The following ULK2 variants were observed in gnomAD, a reference collection of about 807,000 sequenced individuals.
ULK2 encodes the protein serine/threonine-protein kinase ULK2.
A neutral mutation model predicts 127.5 loss-of-function variants in ULK2; 76 were observed. The observed-to-expected ratio is 0.60, with a 90% CI of 0.50 to 0.72. The LOEUF is 0.72. ULK2 is among the 30% of genes least tolerant of loss of function. The probability of loss-of-function intolerance (pLI) is 0.00; values close to 1 mark genes in which losing one functional copy is unlikely to be tolerated. For synonymous variants in ULK2, 452 were observed against 461.9 expected (o/e 0.98, Z 0.28); for missense variants, 1,144 against 1,295.9 (o/e 0.88, Z 1.80).
At chr17:19,832,462 C>T (rs1294772311) in intron 10 of ULK2, among the ~76,000 whole-genome samples, 1 of 151,958 alleles carries the variant, frequency 6.6e-6, no homozygotes, top group African/African-American at 2.4e-5. Flanking sequence ...AAGGCTTTCA[C>T]CACGTTGCCC....
At chr17:19,835,652 G>GCTTGGCT (rs1342785532) in intron 10 of ULK2, among the ~76,000 whole-genome samples, 1 of 151,034 alleles carries the variant, frequency 6.6e-6, no homozygotes, top group African/African-American at 2.4e-5. Context: ...AGGAGGCAGA[G>GCTTGGCT]CTTGCAGTGA....
intron 3 of ULK2, among the ~76,000 whole-genome samples, chr17:19,852,616 AAAAAAC>A (rs2042042627): frequency 6.6e-6 from 1 of 151,340 alleles, no homozygotes; most frequent in Non-Finnish European, 1.5e-5. Flanking sequence ...TTGTAATTTA[AAAAAAC>A]AATAAAGTAA....
chr17:19,811,425 C>G (rs1350059786), intron 13 of ULK2, among the ~76,000 whole-genome samples: 5 of 151,658 alleles, frequency 3.3e-5, no homozygotes, highest in Non-Finnish European at 7.4e-5. Context: ...GAAATTATTT[C>G]AAGTAACTTT....
At position 19,780,769 on chromosome 17, in the gene ULK2, TC is replaced by T. The variant is rs2086901376; in HGVS notation, c.2759-141del. 18 of 1,066,016 alleles carry T rather than the reference TC, an allele frequency of 1.7e-5. No individual in the cohort carries two copies. In the South Asian group the frequency reaches 2.9e-4, roughly 17 times the overall value. 66.0% of individuals were successfully genotyped at this position (1,066,016 alleles called of 1,614,324 possible). ...AAAAAGGACCAGAAATAGGATTTTT[TC>T]ATGTTATCTCTTTCAATATGAAAAG... On this transcript the variant is annotated intron_variant, in intron 24 of 26. Coordinates refer to ENST00000395544, the MANE Select transcript of ULK2 (RefSeq NM_014683.4).
chr17:19,818,032 G>A (rs1361455172), intron 12 of ULK2, among the ~76,000 whole-genome samples: 3 of 152,016 alleles, frequency 2.0e-5, no homozygotes, highest in African/African-American at 4.8e-5. Flanking sequence ...TGTGAATCAC[G>A]GCTCACACCT....
At chr17:19,863,252 A>G (rs1389557902) in intron 3 of ULK2, among the ~76,000 whole-genome samples, 1 of 152,162 alleles carries the variant, frequency 6.6e-6, no homozygotes, top group African/African-American at 2.4e-5. Flanking sequence ...GAATTTGAGT[A>G]ATGCAAGTGA....
In ULK2 at chr17:19,838,720, T is replaced by G. The variant is rs1291161744; in HGVS notation, c.705-137A>C. 4.3e-6 allele frequency: 3 copies of G among 698,318 alleles called. No homozygotes were observed. In the African/African-American group the frequency reaches 5.5e-5, roughly 13 times the overall value. 43.3% of individuals were successfully genotyped at this position (698,318 alleles called of 1,614,324 possible). ...ATACATTTATACCACGAAGACCATG[T>G]AAGAGTCATCTAAAGAAGGGAAAAA... On this transcript the variant is annotated intron_variant, in intron 9 of 26. Coordinates refer to ENST00000395544, the MANE Select transcript of ULK2 (RefSeq NM_014683.4).
At chr17:19,841,072 C>T (rs746085806) in intron 9 of ULK2, among the ~76,000 whole-genome samples, 5 of 151,288 alleles carry the variant, frequency 3.3e-5, no homozygotes, top group African/African-American at 4.9e-5. Flanking sequence ...GATACAAGTT[C>T]GAGAGGAAAA....
In ULK2 at chr17:19,865,718, CTACA is replaced by C. The variant is rs2042337847; in HGVS notation, c.183+14_183+17del. 7.2e-7 allele frequency: 1 copy of C among 1,396,330 alleles called. No homozygotes were observed. Among genetic ancestry groups the C allele is most frequent in the African/African-American group, 1.5e-5 (1 of 68,838 alleles). 86.5% of individuals were successfully genotyped at this position (1,396,330 alleles called of 1,614,324 possible). ...AAGTTTTAACCTTATATGAATACTA[CTACA>C]TAAAGTAACATACCTTTAAGATTTT... On this transcript the variant is annotated intron_variant, in intron 2 of 26. Transcript: ENST00000395544.
intron 12 of ULK2, among the ~76,000 whole-genome samples, chr17:19,821,109 C>T (rs1415586623): frequency 6.6e-6 from 1 of 152,158 alleles, no homozygotes; most frequent in Non-Finnish European, 1.5e-5. Flanking sequence ...GAGTTCGAGA[C>T]CAGCCTGGCC....
intron 20 of ULK2, among the ~76,000 whole-genome samples, chr17:19,793,885 T>C (rs921133410): frequency 5.3e-5 from 8 of 152,194 alleles, no homozygotes; most frequent in African/African-American, 1.4e-4. Flanking sequence ...GACTCACATA[T>C]GGCAGAGATA....
At chr17:19,778,410 T>C (rs1296569019) in intron 25 of ULK2, among the ~76,000 whole-genome samples, 3 of 152,096 alleles carry the variant, frequency 2.0e-5, no homozygotes, top group African/African-American at 7.2e-5. Flanking sequence ...TGCTGAATCA[T>C]AAAGCAACAA....
At chr17:19,795,565 A>G in intron 20 of ULK2, 57 bp downstream of exon 20, 1 of 1,396,382 alleles carries the variant, frequency 7.2e-7, no homozygotes, top group Non-Finnish European at 1.0e-6. Flanking sequence ...CAGCAGTAAG[A>G]AACAAATGCA....
At chr17:19,809,719 C>G (rs1041869199) in intron 14 of ULK2, among the ~76,000 whole-genome samples, 1 of 101,430 alleles carries the variant, frequency 9.9e-6, no homozygotes. Flanking sequence ...GGTGACAGGA[C>G]GAGACTCCGT....
intron 10 of ULK2, among the ~76,000 whole-genome samples, chr17:19,829,007 G>A (rs766044366): frequency 2.6e-5 from 4 of 152,216 alleles, no homozygotes; most frequent in Non-Finnish European, 5.9e-5. Flanking sequence ...CACAGAGGTT[G>A]CAGTGAGCTG....
At chr17:19,821,542 T>C (rs1300914629) in intron 12 of ULK2, among the ~76,000 whole-genome samples, 1 of 152,188 alleles carries the variant, frequency 6.6e-6, no homozygotes, top group African/African-American at 2.4e-5. Flanking sequence ...TGTATGAGTC[T>C]ACACCAGTCC....
At chr17:19,851,988 G>A (rs2042026057) in intron 3 of ULK2, among the ~76,000 whole-genome samples, 1 of 146,004 alleles carries the variant, frequency 6.8e-6, no homozygotes, top group South Asian at 2.2e-4. Flanking sequence ...AGAGGTTGCA[G>A]TGAGCCGAGA....
chr17:19,849,636 T>A, intron 4 of ULK2, 106 bp downstream of exon 4: 2 of 905,008 alleles, frequency 2.2e-6, no homozygotes, highest in Non-Finnish European at 3.3e-6. Flanking sequence ...ATTTTAAAGT[T>A]CATATTAATC....
intron 25 of ULK2, 112 bp downstream of exon 25, chr17:19,780,360 T>G: frequency 1.0e-6 from 1 of 994,904 alleles, no homozygotes; most frequent in South Asian, 2.7e-5. Context: ...TCCACAATAC[T>G]TGGGACTTGA....
Sources: allele counts gnomAD v4.1 joint callset (sites outside exome capture counted in the v4.1 genomes callset), GRCh38; gene constraint gnomAD v4.1.1; transcripts MANE v1.5; gene names NCBI Gene and HGNC (gene_info 2026-07-23, HGNC 2026-07-21).